The following TMC3 variants were observed in gnomAD, a reference collection of about 807,000 sequenced individuals.
TMC3 encodes the protein transmembrane channel like 3, also known as transmembrane channel-like protein 3.
A neutral mutation model predicts 110.6 loss-of-function variants in TMC3; 98 were observed. That is an observed-to-expected ratio of 0.89 (90% confidence interval 0.75 to 1.05). TMC3 has a LOEUF of 1.05. TMC3 is among the 50% of genes least tolerant of loss of function. The pLI, the probability that TMC3 is intolerant of heterozygous loss-of-function variation, is 0.00. For synonymous variants in TMC3, 489 were observed against 513.1 expected, an observed-to-expected ratio of 0.95 and a Z score of 0.63; for missense variants, 1,319 against 1,373.2, an observed-to-expected ratio of 0.96 and a Z score of 0.62.
At chr15:81,345,527 C>T (rs1164629897) in intron 12 of TMC3, among the ~76,000 whole-genome samples, 1 of 152,154 alleles carries the variant, frequency 6.6e-6, no homozygotes, top group Admixed American at 6.5e-5. Context: ...CCCTGTCTTA[C>T]TCCCTTTCCT....
At chr15:81,364,001 TG>T (rs2141421407) in intron 3 of TMC3, among the ~76,000 whole-genome samples, 1 of 152,340 alleles carries the variant, frequency 6.6e-6, no homozygotes, top group African/African-American at 2.4e-5. Flanking sequence ...TATGTGTCCC[TG>T]GGGAAGTTAT....
In TMC3 at chr15:81,351,720, CCTT is replaced by C. The variant is rs1430874215; in HGVS notation, c.1054_1056del (p.Lys352del). 3 of 1,560,846 alleles carry C rather than the reference CCTT, an allele frequency of 1.9e-6. No homozygotes were observed. Among genetic ancestry groups the C allele is most frequent in the Non-Finnish European group, 8.7e-7 (1 of 1,152,400 alleles). Reference sequence around the variant, plus strand: ...TCATTCTTTTCCCAAAGTGTCAGCTCCTTCTTCGACTGCTCCAGCTTCTGGGAC... The same window carrying C: ...TCATTCTTTTCCCAAAGTGTCAGCTCCTTCGACTGCTCCAGCTTCTGGGAC... On this transcript the variant is annotated inframe_deletion, in exon 10 of 22. Coordinates refer to ENST00000359440, the MANE Select transcript of TMC3 (RefSeq NM_001080532.3).
chr15:81,363,210 C>T (rs886318686), intron 3 of TMC3, among the ~76,000 whole-genome samples: 3 of 151,068 alleles, frequency 2.0e-5, no homozygotes, highest in African/African-American at 7.3e-5. Context: ...GAGACCGTGC[C>T]ACTGCACTGC....
At chr15:81,338,270 A>T (rs532315838) in intron 18 of TMC3, among the ~76,000 whole-genome samples, 2 of 152,210 alleles carry the variant, frequency 1.3e-5, no homozygotes, top group African/African-American at 4.8e-5. Flanking sequence ...TTTTCCTTTA[A>T]ACCAAAATAA....
Position 81,354,866 on chromosome 15 carries a change from GTTATTA to G in TMC3, c.935+853_935+858del, listed in dbSNP as rs751964146. 8.5e-5 allele frequency among the ~76,000 whole-genome samples: 12 copies of G among 140,670 alleles called. 1 individual carries two copies. The highest frequency in any genetic ancestry group is 2.1e-4 in the South Asian group (1 of 4,690). 92.3% of individuals were successfully genotyped at this position (140,670 alleles called of 152,430 possible). A position where few individuals can be genotyped will look rare whatever the true frequency, so the allele number is the denominator to read the frequency against. On this transcript the variant is annotated intron_variant, in intron 9 of 21. Transcript: ENST00000359440. ...AAATAACAACATGGCACAGTATGTTGTTATTATTATTATCAACTCTGGTGGAGGAGA... is the reference window on the plus strand; with the variant it reads ...AAATAACAACATGGCACAGTATGTTGTTATTATCAACTCTGGTGGAGGAGA...
At chr15:81,371,477 GT>G (rs1232385079) in intron 2 of TMC3, among the ~76,000 whole-genome samples, 6 of 152,172 alleles carry the variant, frequency 3.9e-5, no homozygotes, top group African/African-American at 1.4e-4. Flanking sequence ...TCGGACAGTG[GT>G]TCTGTCCACA....
At chr15:81,364,254 C>T (rs1047471464) in intron 3 of TMC3, among the ~76,000 whole-genome samples, 3 of 152,008 alleles carry the variant, frequency 2.0e-5, no homozygotes, top group Admixed American at 1.3e-4. Flanking sequence ...CCAAGATGCT[C>T]ATTCTGGGAA....
rs1893556220 is a variant in TMC3 at position 81,334,849 on chromosome 15, C to T, written c.2330G>A (p.Gly777Glu). 1.2e-6 allele frequency: 2 copies of T among 1,614,024 alleles called. No individual in the cohort carries two copies. Among genetic ancestry groups the T allele is most frequent in the African/African-American group, 1.3e-5 (1 of 75,048 alleles). Residue 777 changes from glycine to glutamate, a missense_variant, in exon 21 of 22, where the codon GGG (glycine) becomes GAG (glutamate). Transcript: ENST00000359440. ...NNGNVAHFDS[G>E]SSKSGRIETV... Reference sequence around the variant, plus strand: ...CTCTATCCTGCCACTCTTGCTGCTCCCTGAGTCAAAATGGGCCACGTTGCC... The same window carrying T: ...CTCTATCCTGCCACTCTTGCTGCTCTCTGAGTCAAAATGGGCCACGTTGCC...
In TMC3 at chr15:81,336,614, A is replaced by C. The variant is rs929999816; in HGVS notation, c.2198T>G (p.Val733Gly). Residue 733 changes from valine to glycine, a missense_variant, in exon 20 of 22, where the codon GTA (valine) becomes GGA (glycine). Transcript: ENST00000359440. ...SEDKKKVAQM[V>G]EARIQTQEES... ...AAAGAAACGGAAATACTTACCTTCTACCATCTGGGCAACCTTTTTCTTATC... is the reference window on the plus strand; with the variant it reads ...AAAGAAACGGAAATACTTACCTTCTCCCATCTGGGCAACCTTTTTCTTATC... 2 of 1,613,742 alleles carry C rather than the reference A, an allele frequency of 1.2e-6. No individual in the cohort carries two copies. The highest frequency in any genetic ancestry group is 1.7e-6 in the Non-Finnish European group (2 of 1,179,860).
At chr15:81,356,847 C>T (rs2141715188) in intron 7 of TMC3, among the ~76,000 whole-genome samples, 1 of 152,328 alleles carries the variant, frequency 6.6e-6, no homozygotes, top group Admixed American at 6.5e-5. Context: ...GGACTCCCAC[C>T]ACTGTGGTGC....
At chr15:81,352,002 G>C (rs1893962749) in intron 9 of TMC3, among the ~76,000 whole-genome samples, 161 bp from the exon 10 acceptor site, 1 of 152,016 alleles carries the variant, frequency 6.6e-6, no homozygotes, top group African/African-American at 2.4e-5. Flanking sequence ...CAGCACCCTA[G>C]AATTCCTCAT....
chr15:81,340,416 ATC>A (rs1893690684), intron 16 of TMC3, among the ~76,000 whole-genome samples: 1 of 152,220 alleles, frequency 6.6e-6, no homozygotes, highest in East Asian at 1.9e-4. Flanking sequence ...ATCAAAACAT[ATC>A]TCTGAATGTA....
chr15:81,358,094 C>A, intron 7 of TMC3, 55 bp downstream of exon 7: 1 of 1,484,008 alleles, frequency 6.7e-7, no homozygotes, highest in Non-Finnish European at 9.0e-7. Context: ...GAAAATACTT[C>A]CATTACACAT....
In TMC3 at chr15:81,338,666, T is replaced by C; in HGVS notation, c.2070A>G (p.Val690=). The C allele has an allele frequency of 1.2e-6, 2 of 1,613,764 alleles. No homozygotes were observed. Among genetic ancestry groups the C allele is most frequent in the South Asian group, 2.2e-5 (2 of 91,070 alleles). The change falls in exon 18 of 22, where the codon GTA becomes GTG. Residue 690 remains valine (V), a synonymous_variant. Transcript: ENST00000359440. ...ISSPVVILPA[V]LLLFMLIYYL... is the part of the protein sequence containing the mutation. ...GGTGTGGTACTCACAAAAGCAGGAG[T>C]ACTGCGGGCAGGATGACCACGGGGC...
chr15:81,344,978 T>C lies in TMC3; in HGVS notation c.1306A>G (p.Ile436Val), dbSNP rs931410301. 7 of 1,596,088 alleles carry C rather than the reference T, an allele frequency of 4.4e-6. No homozygotes were observed. Among genetic ancestry groups the C allele is most frequent in the Non-Finnish European group, 6.0e-6 (7 of 1,170,932 alleles). Residue 436 changes from isoleucine to valine, a missense_variant, in exon 13 of 22, where the codon ATA becomes GTA. Coordinates refer to ENST00000359440, the MANE Select transcript of TMC3 (RefSeq NM_001080532.3). ...MATKNNTSHW[I>V]DSTTFFATRT... ...GTTGCAAAGAAGGTGGTGGAATCTA[T>C]CCAATGACTTGTGTTATTTTTGGTA... is the stretch of plus-strand genomic sequence containing the variant.
At chr15:81,341,758 T>C in intron 15 of TMC3, 1 of 277,740 alleles carries the variant, frequency 3.6e-6, no homozygotes, top group South Asian at 6.7e-5. Context: ...GGACAACTGT[T>C]TGTCTCTCTT....
intron 3 of TMC3, 89 bp from the exon 4 acceptor site, chr15:81,362,390 G>T: frequency 1.0e-6 from 1 of 975,574 alleles, no homozygotes; most frequent in Non-Finnish European, 1.6e-6. Context: ...GAGTATACCA[G>T]ACACTCCCTC....
intron 16 of TMC3, among the ~76,000 whole-genome samples, chr15:81,340,742 A>C (rs905383555): frequency 2.0e-5 from 3 of 152,224 alleles, no homozygotes; most frequent in Non-Finnish European, 4.4e-5. Context: ...GTGTCCCAGC[A>C]ATTGCATTCC....
At chr15:81,360,373 A>C (rs910010343) in intron 4 of TMC3, among the ~76,000 whole-genome samples, 1 of 152,226 alleles carries the variant, frequency 6.6e-6, no homozygotes, top group Non-Finnish European at 1.5e-5. Flanking sequence ...CTTGCCAAAA[A>C]TACTCTTCTA....
Sources: gnomAD v4.1 joint callset for allele counts (sites outside exome capture counted in the v4.1 genomes callset) on GRCh38, gnomAD v4.1.1 for gene constraint, MANE v1.5 for transcripts, NCBI Gene and HGNC (gene_info 2026-07-23, HGNC 2026-07-21) for gene names.